LRP1B: variants seen among roughly 807,000 people sequenced by gnomAD.
The protein encoded by LRP1B is LDL receptor related protein 1B.
Under a neutral mutation model 556.6 loss-of-function variants are expected in LRP1B, and 217 were observed. That is an observed-to-expected ratio of 0.39 (90% CI 0.35 to 0.44). The LOEUF (loss-of-function observed/expected upper bound fraction) is 0.44. Among genes scored for constraint, LRP1B ranks in the 20% least tolerant of loss-of-function variants. LRP1B has a pLI of 1.00. For synonymous variants in LRP1B, 2,047 were observed against 1,865.8 expected (o/e 1.10, Z -2.50); for missense variants, 5,053 against 5,620.8 (o/e 0.90, Z 3.23).
chr2:142,080,524 T>TAAA (rs557528091), intron 1 of LRP1B, among the ~76,000 whole-genome samples: 1 of 146,722 alleles, frequency 6.8e-6, no homozygotes, highest in African/African-American at 2.5e-5. Flanking sequence ...GTTGAGTTTG[T>TAAA]AAAAAAAATA....
chr2:140,577,515 C>T (rs1279348002), intron 43 of LRP1B, among the ~76,000 whole-genome samples: 1 of 151,786 alleles, frequency 6.6e-6, no homozygotes, highest in African/African-American at 2.4e-5. Context: ...CTCCTGGGCT[C>T]AAGCGATCTT....
rs530855152 is a variant in LRP1B at position 141,554,398 on chromosome 2, T to C, written c.206-73865A>G. ...TATCTATAGGAATAGATATACATTA[T>C]ATATCTATAGGAATAGATATAGATA... On this transcript the variant is annotated intron_variant, in intron 2 of 90. Transcript: ENST00000389484. 3.3e-5 allele frequency among the ~76,000 whole-genome samples: 5 copies of C among 150,320 alleles called. No individual in the cohort carries two copies. The East Asian group carries it at 1.0e-3, about 30-fold the overall frequency.
rs142761349 is a variant in LRP1B, at chr2:140,359,455, T to A, written c.11132-509A>T. Among the ~76,000 whole-genome samples the A allele has an allele frequency of 8.2e-4, 124 of 151,846 alleles. 1 individual carries two copies. Among genetic ancestry groups the A allele is most frequent in the African/African-American group, 2.8e-3 (118 of 41,518 alleles). ...TTTAGATATGTATTTGAGGCACATATATGATCTTAGTTATTCATCTTTAAA... is the reference window on the plus strand; with the variant it reads ...TTTAGATATGTATTTGAGGCACATAAATGATCTTAGTTATTCATCTTTAAA... On this transcript the variant is annotated intron_variant, in intron 72 of 90. Transcript: ENST00000389484.
At chr2:141,285,924 G>A (rs891003644) in intron 3 of LRP1B, among the ~76,000 whole-genome samples, 18 of 149,608 alleles carry the variant, frequency 1.2e-4, no homozygotes, top group East Asian at 4.0e-4. Context: ...AAAATTAGCC[G>A]GGCGTAGTGG....
intron 1 of LRP1B, among the ~76,000 whole-genome samples, chr2:142,068,336 A>G (rs192592856): frequency 6.6e-6 from 1 of 151,566 alleles, no homozygotes; most frequent in African/African-American, 2.4e-5. Flanking sequence ...GGAGGATTTA[A>G]TGTTCCATTA....
intron 1 of LRP1B, among the ~76,000 whole-genome samples, chr2:141,910,491 C>CG (rs1387302883): frequency 7.7e-6 from 1 of 130,068 alleles, no homozygotes; most frequent in Non-Finnish European, 1.7e-5. Context: ...CTGAAATATA[C>CG]ATTTTTTCTA....
intron 7 of LRP1B, among the ~76,000 whole-genome samples, chr2:141,099,470 C>T (rs189320944): frequency 6.2e-4 from 94 of 152,318 alleles, no homozygotes; most frequent in African/African-American, 2.1e-3. Context: ...GTCAATCTTT[C>T]AGTTCTCATA....
chr2:140,621,477 A>ATT (rs148731281), intron 41 of LRP1B, among the ~76,000 whole-genome samples: 1 of 151,350 alleles, frequency 6.6e-6, no homozygotes, highest in African/African-American at 2.4e-5. Context: ...AGGAAACAAC[A>ATT]TTTTTTTTAA....
intron 57 of LRP1B, among the ~76,000 whole-genome samples, chr2:140,488,224 T>C (rs756358358): frequency 4.2e-4 from 64 of 151,296 alleles, no homozygotes; most frequent in Non-Finnish European, 5.3e-4. Context: ...GAAATTTTAC[T>C]TTCCCCCAAA....
intron 35 of LRP1B, among the ~76,000 whole-genome samples, chr2:140,764,417 C>T (rs1327085327): frequency 1.3e-5 from 2 of 151,984 alleles, no homozygotes; most frequent in Admixed American, 6.6e-5. Context: ...GTATATGGCC[C>T]CTTGATCTCT....
intron 3 of LRP1B, among the ~76,000 whole-genome samples, chr2:141,432,786 T>C (rs915197215): frequency 6.6e-6 from 1 of 151,888 alleles, no homozygotes; most frequent in Non-Finnish European, 1.5e-5. Context: ...GTAATTTGAG[T>C]ATTTTGCTTT....
chr2:142,029,473 G>T (rs1703615086), intron 1 of LRP1B, among the ~76,000 whole-genome samples: 1 of 151,626 alleles, frequency 6.6e-6, no homozygotes, highest in Non-Finnish European at 1.5e-5. Context: ...CAGAACAATA[G>T]AAATAGAAAA....
At position 141,214,271 on chromosome 2, in the gene LRP1B, A is replaced by C. The variant is rs2105260208; in HGVS notation, c.850+14912T>G. ...TGGAACCAGAACTAATCAATTGTTTAACATAATTTATCTGTGGTGAAGAAT... is the reference window on the plus strand; with the variant it reads ...TGGAACCAGAACTAATCAATTGTTTCACATAATTTATCTGTGGTGAAGAAT... On this transcript the variant is annotated intron_variant, in intron 6 of 90. Transcript: ENST00000389484. 1.3e-5 allele frequency among the ~76,000 whole-genome samples: 2 copies of C among 152,304 alleles called. 1 individual carries two copies. Among genetic ancestry groups the C allele is most frequent in the African/African-American group, 4.8e-5 (2 of 41,576 alleles).
chr2:140,371,032 T>C, intron 70 of LRP1B, 147 bp downstream of exon 70: 1 of 783,616 alleles, frequency 1.3e-6, no homozygotes, highest in Non-Finnish European at 2.0e-6. Flanking sequence ...AATTCAGGTA[T>C]TTGCTGAAAT....
intron 73 of LRP1B, among the ~76,000 whole-genome samples, chr2:140,358,340 A>T (rs1235940381): frequency 6.6e-6 from 1 of 151,644 alleles, no homozygotes; most frequent in African/African-American, 2.4e-5. Flanking sequence ...CTACAGAAAA[A>T]TTTTAAAATA....
Position 140,632,000 on chromosome 2 carries a change from T to A in LRP1B, c.6800-30361A>T, listed in dbSNP as rs553462821. 5.6e-4 allele frequency among the ~76,000 whole-genome samples: 85 copies of A among 152,288 alleles called. 1 individual carries two copies. Among genetic ancestry groups the A allele is most frequent in the African/African-American group, 2.0e-3 (83 of 41,570 alleles). On this transcript the variant is annotated intron_variant, in intron 41 of 90. Coordinates refer to ENST00000389484, the MANE Select transcript of LRP1B (RefSeq NM_018557.3). ...CAAGCAAAAAGACTGGTATGAAATA[T>A]TTAATGTGTTGAAAGAAAAACAAAC...
intron 2 of LRP1B, among the ~76,000 whole-genome samples, chr2:141,765,454 T>C (rs1223847824): frequency 6.6e-6 from 1 of 152,164 alleles, no homozygotes; most frequent in African/African-American, 2.4e-5. Flanking sequence ...TTATCAAGCT[T>C]AATTGAGGCC....
intron 3 of LRP1B, among the ~76,000 whole-genome samples, chr2:141,360,563 G>C (rs1688785900): frequency 2.0e-5 from 3 of 152,122 alleles, no homozygotes; most frequent in Non-Finnish European, 4.4e-5. Flanking sequence ...AAGTCAAAAA[G>C]AAAGACATAT....
At position 140,941,326 on chromosome 2, in the gene LRP1B, G is replaced by A. The variant is rs115158363; in HGVS notation, c.3136+8909C>T. Among the ~76,000 whole-genome samples, 609 of 152,202 alleles carry A rather than the reference G, an allele frequency of 4.0e-3. 5 individuals are homozygous for A. Among genetic ancestry groups the A allele is most frequent in the African/African-American group, 0.014 (578 of 41,536 alleles). ...CCATGGAGAGGAAACAAAATATTGA[G>A]TAAACTATCACACTTCAAAGAGATC... On this transcript the variant is annotated intron_variant, in intron 20 of 90. Coordinates refer to ENST00000389484, the MANE Select transcript of LRP1B (RefSeq NM_018557.3).
Sources: gnomAD v4.1 joint callset for allele counts (sites outside exome capture counted in the v4.1 genomes callset) on GRCh38, gnomAD v4.1.1 for gene constraint, MANE v1.5 for transcripts, NCBI Gene and HGNC (gene_info 2026-07-23, HGNC 2026-07-21) for gene names.